The following ADRA1D variants were observed in gnomAD, a reference collection of about 807,000 sequenced individuals.
ADRA1D encodes adrenoceptor alpha 1D.
In ADRA1D, 22 loss-of-function variants were observed where a neutral mutation model predicts 18.6. The ratio of observed to expected loss-of-function variants is 1.19; its 90% CI spans 0.85 to 1.69. The LOEUF is 1.69. Ranked by LOEUF, ADRA1D falls within the 40% of genes most tolerant of loss-of-function variation. The probability of loss-of-function intolerance (pLI) is 0.00; values close to 1 mark genes in which losing one functional copy is unlikely to be tolerated. For missense variants in ADRA1D, 840 were observed against 840.7 expected (o/e 1.00, Z 0.01); for synonymous variants, 376 against 388.2 (o/e 0.97, Z 0.37).
intron 1 of ADRA1D, among the ~76,000 whole-genome samples, chr20:4,227,705 T>TCCCTCCCTCCCTCCTTC (rs745707360): frequency 4.1e-5 from 1 of 24,460 alleles, no homozygotes; most frequent in African/African-American, 1.2e-4. Context: ...CCTCCCTCCC[T>TCCCTCCCTCCCTCCTTC]CCTTCCTTCC....
At chr20:4,226,141 C>G (rs866915417) in intron 1 of ADRA1D, among the ~76,000 whole-genome samples, 1 of 152,254 alleles carries the variant, frequency 6.6e-6, no homozygotes, top group African/African-American at 2.4e-5. Context: ...TTTATTCAGA[C>G]TGGTGGGCAA....
intron 1 of ADRA1D, among the ~76,000 whole-genome samples, chr20:4,231,105 CTT>C: frequency 1.2e-5 from 1 of 81,384 alleles, no homozygotes; most frequent in Non-Finnish European, 2.6e-5. Flanking sequence ...TTCTTTCTTT[CTT>C]TCTCTCTTTC....
chr20:4,227,814 C>T (rs1179444803), intron 1 of ADRA1D, among the ~76,000 whole-genome samples: 3 of 150,622 alleles, frequency 2.0e-5, no homozygotes, highest in Non-Finnish European at 4.4e-5. Context: ...ACCATGTTGG[C>T]CAGGCTGGTC....
intron 1 of ADRA1D, among the ~76,000 whole-genome samples, chr20:4,232,677 C>T (rs1980997985): frequency 1.3e-5 from 2 of 152,196 alleles, no homozygotes; most frequent in Admixed American, 1.3e-4. Context: ...ATGTTGGTGC[C>T]CTGCCCAGGG....
intron 1 of ADRA1D, among the ~76,000 whole-genome samples, chr20:4,228,879 T>A (rs1600846877): frequency 6.6e-6 from 1 of 152,290 alleles, no homozygotes; most frequent in East Asian, 1.9e-4. Flanking sequence ...GGCCACCACC[T>A]TCTTCTCTCC....
chr20:4,242,858 TTG>T (rs143064051), intron 1 of ADRA1D, among the ~76,000 whole-genome samples: 2,589 of 151,018 alleles, frequency 0.017, 62 homozygotes, highest in African/African-American at 0.057. Flanking sequence ...GGTGGGGCTG[TTG>T]TGTGTGTGTG....
chr20:4,248,974 C>T lies in ADRA1D; in HGVS notation c.-17G>A, dbSNP rs1337942538. ...GAAAGTCATCTCAACGCGCGGCCGT[C>T]GGTGGCCGGGCCGGGGCACAGAACG... On this transcript the variant is annotated 5_prime_UTR_variant, in exon 1 of 2. Transcript: ENST00000379453. The T allele has an allele frequency of 1.5e-6, 2 of 1,337,064 alleles. No individual in the cohort carries two copies. The highest frequency in any genetic ancestry group is 1.9e-6 in the Non-Finnish European group (2 of 1,033,326). The allele number at this position is 1,337,064 out of a possible 1,614,324, so 82.8% of individuals were successfully genotyped here.
chr20:4,243,015 C>G (rs936835774), intron 1 of ADRA1D, among the ~76,000 whole-genome samples: 1 of 152,052 alleles, frequency 6.6e-6, no homozygotes, highest in Non-Finnish European at 1.5e-5. Flanking sequence ...TCTGGAGGCT[C>G]CCGGGAGAGG....
Position 4,221,484 on chromosome 20 carries a change from C to G in ADRA1D, c.*39G>C. 9 of 1,569,802 alleles carry G rather than the reference C, an allele frequency of 5.7e-6. No individual in the cohort carries two copies. The highest frequency in any genetic ancestry group is 7.8e-6 in the Non-Finnish European group (9 of 1,153,976). Reference sequence around the variant, plus strand: ...GCCCGCCTCTCTGGTCCCCCTTACCCCCAAGCCCAGCACACTCCGCGGCCT... The same window carrying G: ...GCCCGCCTCTCTGGTCCCCCTTACCGCCAAGCCCAGCACACTCCGCGGCCT... On this transcript the variant is annotated 3_prime_UTR_variant, in exon 2 of 2. Coordinates refer to ENST00000379453, the MANE Select transcript of ADRA1D (RefSeq NM_000678.4).
intron 1 of ADRA1D, among the ~76,000 whole-genome samples, chr20:4,228,027 C>A (rs1279258657): frequency 6.6e-6 from 1 of 152,162 alleles, no homozygotes; most frequent in Non-Finnish European, 1.5e-5. Context: ...CATTTCATTT[C>A]TTCACTTAAA....
At position 4,249,100 on chromosome 20, in the gene ADRA1D, G is replaced by A. The variant is rs1981442872; in HGVS notation, c.-143C>T. 2 of 664,286 alleles carry A rather than the reference G, an allele frequency of 3.0e-6. No individual in the cohort carries two copies. Among genetic ancestry groups the A allele is most frequent in the Non-Finnish European group, 3.9e-6 (2 of 518,640 alleles). The allele number at this position is 664,286 out of a possible 1,614,324, so 41.1% of individuals were successfully genotyped here. ...GGTCCTGCCCAAGTTCCTGTGACGC[G>A]GAGCGCGGCTGTCCGAGAGCGGAGC... On this transcript the variant is annotated 5_prime_UTR_variant, in exon 1 of 2. Coordinates refer to ENST00000379453, the MANE Select transcript of ADRA1D (RefSeq NM_000678.4).
intron 1 of ADRA1D, among the ~76,000 whole-genome samples, chr20:4,223,626 T>G (rs1980725231): frequency 6.6e-6 from 1 of 152,178 alleles, no homozygotes; most frequent in African/African-American, 2.4e-5. Flanking sequence ...ATTTTTTGAC[T>G]TTACAATGGT....
rs116088283 is a variant in ADRA1D, at chr20:4,231,629, C to A, written c.1112-9499G>T. ...CCGAGTGTTCAGTACCTTCTAGGCA[C>A]CATGCTGGGCCTTTTATGTAGTTCT... On this transcript the variant is annotated intron_variant, in intron 1 of 1. Transcript: ENST00000379453. Among the ~76,000 whole-genome samples the A allele has an allele frequency of 2.6e-3, 393 of 152,276 alleles. 1 individual carries two copies. Among genetic ancestry groups the A allele is most frequent in the African/African-American group, 8.9e-3 (369 of 41,550 alleles).
chr20:4,241,601 T>C (rs1286186270), intron 1 of ADRA1D, among the ~76,000 whole-genome samples: 1 of 152,062 alleles, frequency 6.6e-6, no homozygotes, highest in Non-Finnish European at 1.5e-5. Context: ...AAAGCACAGG[T>C]AGGAGATGTA....
At chr20:4,231,560 G>A (rs1980971383) in intron 1 of ADRA1D, among the ~76,000 whole-genome samples, 1 of 152,194 alleles carries the variant, frequency 6.6e-6, no homozygotes, top group South Asian at 2.1e-4. Context: ...ACTTGAATAG[G>A]TGGCCTCTAA....
rs150962614 is a variant in ADRA1D at position 4,222,637 on chromosome 20, T to C, written c.1112-507A>G. 3.4e-3 allele frequency among the ~76,000 whole-genome samples: 519 copies of C among 152,278 alleles called. 2 individuals carry two copies. Among genetic ancestry groups the C allele is most frequent in the Middle Eastern group, 6.8e-3 (2 of 294 alleles). ...GTCACTGTTTTCCTGAAATGATAAATGACCCTAGTCCTTGCCTCTTCCTAC... is the reference window on the plus strand; with the variant it reads ...GTCACTGTTTTCCTGAAATGATAAACGACCCTAGTCCTTGCCTCTTCCTAC... On this transcript the variant is annotated intron_variant, in intron 1 of 1. Transcript: ENST00000379453. This position sits in a 1 kb window ranked among gnomAD's most constrained non-coding sequence, Gnocchi z 4.3.
At chr20:4,234,877 G>C (rs1303494367) in intron 1 of ADRA1D, among the ~76,000 whole-genome samples, 2 of 152,222 alleles carry the variant, frequency 1.3e-5, no homozygotes, top group Non-Finnish European at 2.9e-5. Flanking sequence ...CAGGGTACCT[G>C]ACAAGTTGGA....
Position 4,248,511 on chromosome 20 carries a change from T to C in ADRA1D, c.447A>G (p.Val149=). The change falls in exon 1 of 2, where the codon GTA becomes GTG. Residue 149 remains valine, a synonymous_variant. Transcript: ENST00000379453. ...CCTCCATGGTGGCCGAGAAGGGCAG[T>C]ACGGTGGCGCTCAGCAGCAGGTCGG... ...AVADLLLSAT[V]LPFSATMEVL... is the part of the protein sequence containing the mutation. 1 of 1,613,798 alleles carries C rather than the reference T, an allele frequency of 6.2e-7. No homozygotes were observed. Among genetic ancestry groups the C allele is most frequent in the Admixed American group, 1.7e-5 (1 of 60,012 alleles).
intron 1 of ADRA1D, among the ~76,000 whole-genome samples, chr20:4,235,607 C>T (rs567239207): frequency 1.3e-5 from 2 of 152,362 alleles, no homozygotes; most frequent in African/African-American, 2.4e-5. Context: ...GGCTCTGGGG[C>T]CACACTGACA....
Sources: gnomAD v4.1 joint callset for allele counts (sites outside exome capture counted in the v4.1 genomes callset) on GRCh38, gnomAD v4.1.1 for gene constraint, Gnocchi (gnomAD v3.1) non-coding constraint, MANE v1.5 for transcripts, NCBI Gene and HGNC (gene_info 2026-07-23, HGNC 2026-07-21) for gene names.